Variants in SYNPO observed in about 807,000 individuals in gnomAD.
SYNPO encodes synaptopodin.
SYNPO carries 19 observed loss-of-function variants against 49.5 expected under a neutral mutation model. The observed-to-expected ratio is 0.38, with a 90% CI of 0.27 to 0.56. The LOEUF (loss-of-function observed/expected upper bound fraction) is 0.56, where lower values mean the gene tolerates loss of function less well. SYNPO is among the 20% of genes least tolerant of loss of function. The probability of loss-of-function intolerance (pLI) is 0.68; values close to 1 mark genes in which losing one functional copy is unlikely to be tolerated. For synonymous variants in SYNPO, 536 were observed against 548.0 expected (o/e 0.98, Z 0.31); for missense variants, 1,131 against 1,248.3 (o/e 0.91, Z 1.42).
upstream of SYNPO, among the ~76,000 whole-genome samples, chr5:150,635,874 G>A (rs1369303974): frequency 3.3e-5 from 5 of 152,166 alleles, no homozygotes; most frequent in East Asian, 9.6e-4. Context: ...TGCCTGCACT[G>A]TTGCCTTAGA....
At position 150,649,565 on chromosome 5, in the gene SYNPO, C is replaced by T. The variant is rs758299719; in HGVS notation, c.1290C>T (p.Phe430=). ...PFALGAEASN[F]QQEPAPRDRA... Reference sequence around the variant, plus strand: ...CACTGGGGGCCGAGGCCTCCAACTTCCAGCAGGAGCCAGCACCTCGTGACA... The same window carrying T: ...CACTGGGGGCCGAGGCCTCCAACTTTCAGCAGGAGCCAGCACCTCGTGACA... Residue 430 remains phenylalanine, a synonymous_variant, in exon 2 of 3, where the codon TTC becomes TTT. Coordinates refer to ENST00000307662, the MANE Select transcript of SYNPO (RefSeq NM_007286.6). 6.8e-6 allele frequency: 11 copies of T among 1,610,184 alleles called. No individual in the cohort carries two copies. Among genetic ancestry groups the T allele is most frequent in the East Asian group, 2.2e-5 (1 of 44,774 alleles).
In SYNPO at chr5:150,650,128, G is replaced by A. The variant is rs1206874482; in HGVS notation, c.1853G>A (p.Arg618His). 6.2e-6 allele frequency: 10 copies of A among 1,612,658 alleles called. No individual in the cohort carries two copies. Among genetic ancestry groups the A allele is most frequent in the Non-Finnish European group, 6.8e-6 (8 of 1,179,686 alleles). The change falls in exon 2 of 3, where the codon CGC becomes CAC. Residue 618 changes from arginine (R) to histidine (H), a missense_variant. Around this residue, in one of 4 missense-constraint regions of SYNPO, gnomAD observed 509 missense variants for 484.5 expected, o/e 1.05. Transcript: ENST00000307662. ...PPSPALPRPS[R>H]SSPGLYTSPG... ...TCTCCTGCCCTGCCTCGGCCCTCGC[G>A]CTCCTCACCGGGCCTCTACACCTCC...
At chr5:150,654,813 T>C (rs924532729) in intron 2 of SYNPO, among the ~76,000 whole-genome samples, 1 of 152,038 alleles carries the variant, frequency 6.6e-6, no homozygotes, top group African/African-American at 2.4e-5. Flanking sequence ...GCTGAGAGGG[T>C]CTTTCCCTAA....
At chr5:150,597,818 A>G (rs1756450948), upstream of SYNPO, among the ~76,000 whole-genome samples, 1 of 152,078 alleles carries the variant, frequency 6.6e-6, no homozygotes, top group Non-Finnish European at 1.5e-5. Context: ...TTGTATTTTT[A>G]GTAGAGACAG....
Position 150,657,066 on chromosome 5 carries a change from C to T in SYNPO, c.2691C>T (p.Ala897=), listed in dbSNP as rs1240001668. The change falls in exon 3 of 3, where the codon GCC becomes GCT. Residue 897 remains alanine, a synonymous_variant. Transcript: ENST00000307662. ...GGCTCAAGCGTGGCAGCCTCCCCGC[C>T]GAGGCCTCCTGCACCACCTAGAGCC... ...SLRLKRGSLP[A]EASCTT is the part of the protein sequence containing the mutation. 6.3e-7 allele frequency: 1 copy of T among 1,596,278 alleles called. No individual in the cohort carries two copies. The highest frequency in any genetic ancestry group is 8.5e-7 in the Non-Finnish European group (1 of 1,172,732).
Position 150,645,604 on chromosome 5 carries a change from C to T in SYNPO, c.-332-2340C>T, listed in dbSNP as rs139916351. Among the ~76,000 whole-genome samples the T allele has an allele frequency of 3.8e-3, 585 of 152,246 alleles. 9 individuals are homozygous for T. The South Asian group carries it at 0.047, about 12-fold the overall frequency. On this transcript the variant is annotated intron_variant, in intron 1 of 2. Transcript: ENST00000307662. ...GGACCTCAAATCCCAGACTGAACCC[C>T]GACCCATGATGACCTTGTTCCTGCC...
intron 2 of SYNPO, 32 bp downstream of exon 2, chr5:150,650,335 G>C (rs766701088): frequency 1.2e-6 from 2 of 1,613,558 alleles, no homozygotes; most frequent in African/African-American, 1.3e-5. Flanking sequence ...TTCAAGTAAC[G>C]AACCCCACGG....
chr5:150,623,824 T>C (rs1032166450), intron 2 of SYNPO, among the ~76,000 whole-genome samples: 8 of 152,188 alleles, frequency 5.3e-5, no homozygotes, highest in Non-Finnish European at 8.8e-5. Flanking sequence ...GGAACCACCC[T>C]GGTCAAGGGG....
chr5:150,588,790 G>C, the SYNPO span, among the ~76,000 whole-genome samples: 1 of 151,764 alleles, frequency 6.6e-6, no homozygotes, highest in Non-Finnish European at 1.5e-5. Context: ...TTTTTTAAAG[G>C]TGTTCACACT....
At position 150,656,416 on chromosome 5, in the gene SYNPO, A is replaced by G. The variant is rs763345992; in HGVS notation, c.2041A>G (p.Ser681Gly). The G allele has an allele frequency of 6.5e-7, 1 of 1,528,770 alleles. No homozygotes were observed. The highest frequency in any genetic ancestry group is 1.2e-5 in the South Asian group (1 of 83,224). 94.7% of individuals were successfully genotyped at this position (1,528,770 alleles called of 1,614,324 possible). ...AGIEAQDRRE[S>G]LPTSPPWTPG... ...GCTCTCTCCCCAGGACCGCCGGGAG[A>G]GCCTGCCCACCTCCCCACCCTGGAC... is the stretch of plus-strand genomic sequence containing the variant. Residue 681 changes from serine to glycine, a missense_variant, in exon 3 of 3, where the codon AGC becomes GGC. Physicochemically the swap from Ser to Gly is moderately conservative, Grantham distance 56 (BLOSUM62 0). Around this residue, in one of 4 missense-constraint regions of SYNPO, gnomAD observed 509 missense variants for 484.5 expected, o/e 1.05. Transcript: ENST00000307662.
intron 2 of SYNPO, among the ~76,000 whole-genome samples, chr5:150,620,815 G>T (rs943822733): frequency 1.4e-4 from 22 of 152,174 alleles, no homozygotes; most frequent in African/African-American, 5.3e-4. Context: ...AGGTCACACA[G>T]CTAGTGCCAG....
intron 2 of SYNPO, among the ~76,000 whole-genome samples, chr5:150,620,859 A>T (rs1242835324): frequency 6.6e-6 from 1 of 151,518 alleles, no homozygotes; most frequent in Non-Finnish European, 1.5e-5. Flanking sequence ...TGCCTGGAAC[A>T]GTATGGTTCA....
the SYNPO span, among the ~76,000 whole-genome samples, chr5:150,592,512 C>A: frequency 1.3e-5 from 2 of 152,024 alleles, no homozygotes; most frequent in African/African-American, 4.8e-5. Flanking sequence ...TGGAATTAGA[C>A]CAACAAAACA....
chr5:150,601,436 G>A (rs1283944019), intron 1 of SYNPO, among the ~76,000 whole-genome samples: 2 of 152,190 alleles, frequency 1.3e-5, no homozygotes, highest in African/African-American at 4.8e-5. Flanking sequence ...GGGGCTGGGG[G>A]AGAAAAGATG....
At chr5:150,614,068 G>A (rs1316476100) in intron 1 of SYNPO, among the ~76,000 whole-genome samples, 2 of 152,224 alleles carry the variant, frequency 1.3e-5, no homozygotes, top group Non-Finnish European at 2.9e-5. Flanking sequence ...CAGCAGGTGA[G>A]CAGCACACAG....
chr5:150,603,550 C>T (rs1277478264), intron 1 of SYNPO, among the ~76,000 whole-genome samples: 1 of 152,270 alleles, frequency 6.6e-6, no homozygotes, highest in East Asian at 1.9e-4. Context: ...TGTCTCATCA[C>T]CAGCTCTTTA....
At chr5:150,651,515 C>CGTTA in intron 2 of SYNPO, 1 of 1,001,086 alleles carries the variant, frequency 1.0e-6, no homozygotes, top group Non-Finnish European at 1.2e-6. Flanking sequence ...GGACAGGTGG[C>CGTTA]GTTAGATGGC....
chr5:150,650,710 T>A, intron 2 of SYNPO: 1 of 1,363,984 alleles, frequency 7.3e-7, no homozygotes, highest in Non-Finnish European at 9.4e-7. Flanking sequence ...TAACAGGGAC[T>A]TCTGGAGCAG....
In SYNPO at chr5:150,656,510, G is replaced by A. The variant is rs1486045991; in HGVS notation, c.2135G>A (p.Arg712His). Reference sequence around the variant, plus strand: ...AGCCCGGGCCCGTGGGAGCCAGGTCGCGGGAGCAGCATGAGCAGCCCCCCG... The same window carrying A: ...AGCCCGGGCCCGTGGGAGCCAGGTCACGGGAGCAGCATGAGCAGCCCCCCG... ...WVSPGPWEPGRGSSMSSPPPL... is the reference protein window; with the variant it reads ...WVSPGPWEPGHGSSMSSPPPL... Residue 712 changes from arginine (R) to histidine (H), a missense_variant, in exon 3 of 3, where the codon CGC becomes CAC. By Grantham distance (29) the Arg-to-His change is conservative. This residue lies in a region of SYNPO where 509 missense variants were observed against 484.5 expected (regional missense o/e 1.05). Transcript: ENST00000307662. 1.3e-6 allele frequency: 2 copies of A among 1,531,680 alleles called. No homozygotes were observed. The highest frequency in any genetic ancestry group is 1.7e-6 in the Non-Finnish European group (2 of 1,145,286). 94.9% of individuals were successfully genotyped at this position (1,531,680 alleles called of 1,614,324 possible). A position where few individuals can be genotyped will look rare whatever the true frequency, so the allele number is the denominator to read the frequency against.
Sources: gnomAD v4.1 joint callset for allele counts (sites outside exome capture counted in the v4.1 genomes callset) on GRCh38, gnomAD v4.1.1 for gene constraint, gnomAD v4.1.1 regional missense constraint, MANE v1.5 for transcripts, NCBI Gene and HGNC (gene_info 2026-07-23, HGNC 2026-07-21) for gene names.